Variants in PAAF1 observed in about 807,000 individuals in gnomAD.
PAAF1 encodes the protein proteasomal ATPase-associated factor 1.
PAAF1 carries 46 observed loss-of-function variants against 52.8 expected under a neutral mutation model. That is an observed-to-expected ratio of 0.87 (90% CI 0.69 to 1.11). PAAF1 has a LOEUF of 1.11. PAAF1 is among the 50% of genes most tolerant of loss of function. The pLI is 0.00. For synonymous variants in PAAF1, 178 were observed against 172.8 expected (o/e 1.03, Z -0.24); for missense variants, 424 against 477.4 (o/e 0.89, Z 1.04).
rs80330409 is a variant in PAAF1 at position 73,889,887 on chromosome 11, A to C, written c.193-1225A>C. Reference sequence around the variant, plus strand: ...CCAGGCATGGATATGCTGGCTAAGAAAGTGCTGTTTGTGTAGATAGTCTAA... The same window carrying C: ...CCAGGCATGGATATGCTGGCTAAGACAGTGCTGTTTGTGTAGATAGTCTAA... On this transcript the variant is annotated intron_variant, in intron 3 of 11. Transcript: ENST00000310571. 7.5e-3 allele frequency among the ~76,000 whole-genome samples: 1,135 copies of C among 152,322 alleles called. 15 individuals are homozygous for C. Among genetic ancestry groups the C allele is most frequent in the African/African-American group, 0.024 (991 of 41,568 alleles).
chr11:73,904,220 T>C (rs986489133), intron 6 of PAAF1, among the ~76,000 whole-genome samples: 1 of 152,096 alleles, frequency 6.6e-6, no homozygotes, highest in Non-Finnish European at 1.5e-5. Flanking sequence ...CTGTGTATGC[T>C]GAATTTTTCA....
intron 6 of PAAF1, among the ~76,000 whole-genome samples, chr11:73,906,143 G>A (rs975987189): frequency 6.6e-6 from 1 of 151,432 alleles, no homozygotes; most frequent in African/African-American, 2.4e-5. Flanking sequence ...TTTTTGAAAG[G>A]AAGACTGAAA....
intron 4 of PAAF1, among the ~76,000 whole-genome samples, chr11:73,894,568 A>G (rs1949292346): frequency 6.6e-6 from 1 of 152,194 alleles, no homozygotes; most frequent in Admixed American, 6.5e-5. Context: ...CCAGCATGGC[A>G]CATGTATACA....
At position 73,884,929 on chromosome 11, in the gene PAAF1, G is replaced by A. The variant is rs1175676738; in HGVS notation, c.89-2425G>A. ...GGCTGGAGTGCAGTGGCGGGATCTCGGCTCACTGCAAGTTCCGCCTCCCGG... is the reference window on the plus strand; with the variant it reads ...GGCTGGAGTGCAGTGGCGGGATCTCAGCTCACTGCAAGTTCCGCCTCCCGG... On this transcript the variant is annotated intron_variant, in intron 2 of 11. Transcript: ENST00000310571. 3.4e-5 allele frequency among the ~76,000 whole-genome samples: 5 copies of A among 149,030 alleles called. No individual in the cohort carries two copies. In the East Asian group the frequency reaches 5.9e-4, roughly 17 times the overall value.
chr11:73,879,215 TCTCA>T (rs1374245344), intron 2 of PAAF1: 1 of 153,334 alleles, frequency 6.5e-6, no homozygotes, highest in African/African-American at 2.4e-5. Context: ...TGCTTAAAGG[TCTCA>T]CTGTCACCTT....
rs748987999 is a variant in PAAF1 at position 73,928,263 on chromosome 11, T to A, written c.*901T>A. ...GAAGAGATGGTGGAGGGCACTTTAG[T>A]CACAGCTGGAACCCAGGGCTCAAAA... On this transcript the variant is annotated 3_prime_UTR_variant, in exon 12 of 12. Coordinates refer to ENST00000310571, the MANE Select transcript of PAAF1 (RefSeq NM_025155.3). 1.3e-5 allele frequency: 2 copies of A among 152,238 alleles called. No individual in the cohort carries two copies. The highest frequency in any genetic ancestry group is 6.5e-5 in the Admixed American group (1 of 15,278). 9.4% of individuals were successfully genotyped at this position (152,238 alleles called of 1,614,324 possible).
chr11:73,908,717 C>G (rs1949845184), intron 6 of PAAF1, among the ~76,000 whole-genome samples: 1 of 151,346 alleles, frequency 6.6e-6, no homozygotes, highest in Non-Finnish European at 1.5e-5. Flanking sequence ...GATTTTCAAA[C>G]TGAATTAGCT....
chr11:73,878,724 T>C, intron 1 of PAAF1, 55 bp from the exon 2 acceptor site: 4 of 1,533,680 alleles, frequency 2.6e-6, no homozygotes, highest in East Asian at 2.2e-5. Context: ...CTTGTAACTA[T>C]GGGATCCTAT....
chr11:73,886,338 A>G (rs1192335993), intron 2 of PAAF1, among the ~76,000 whole-genome samples: 3 of 152,224 alleles, frequency 2.0e-5, no homozygotes, highest in Non-Finnish European at 1.5e-5. Flanking sequence ...CAAATGCTGT[A>G]TCAAATCTCT....
intron 8 of PAAF1, among the ~76,000 whole-genome samples, chr11:73,915,433 T>C (rs1173894489): frequency 6.6e-6 from 1 of 152,126 alleles, no homozygotes; most frequent in Non-Finnish European, 1.5e-5. Context: ...AAAACCCATC[T>C]CTATTAAAAA....
intron 4 of PAAF1, among the ~76,000 whole-genome samples, chr11:73,895,922 C>A (rs1949334848): frequency 6.6e-6 from 1 of 152,166 alleles, no homozygotes. Flanking sequence ...CCCTGGGCAA[C>A]ATAGGGGGAC....
chr11:73,930,104 C>T lies in PAAF1; in HGVS notation c.*2742C>T, dbSNP rs1950436489. Reference sequence around the variant, plus strand: ...GGATGAAATGGGCCGGGCGCAGTGGCTCACGCCTGTAATCCCAGCACTTTG... The same window carrying T: ...GGATGAAATGGGCCGGGCGCAGTGGTTCACGCCTGTAATCCCAGCACTTTG... On this transcript the variant is annotated 3_prime_UTR_variant, in exon 12 of 12. Coordinates refer to ENST00000310571, the MANE Select transcript of PAAF1 (RefSeq NM_025155.3). 2 of 151,956 alleles carry T rather than the reference C, an allele frequency of 1.3e-5. No individual in the cohort carries two copies. Among genetic ancestry groups the T allele is most frequent in the South Asian group, 4.2e-4 (2 of 4,804 alleles). The allele number at this position is 151,956 out of a possible 1,614,324, so 9.4% of individuals were successfully genotyped here. A position where few individuals can be genotyped will look rare whatever the true frequency, so the allele number is the denominator to read the frequency against.
intron 7 of PAAF1, among the ~76,000 whole-genome samples, chr11:73,910,080 A>G (rs1565145534): frequency 6.6e-6 from 1 of 152,138 alleles, no homozygotes; most frequent in Admixed American, 6.6e-5. Flanking sequence ...ATAATTAGTG[A>G]TTCTTTTTAT....
At chr11:73,877,248 C>T in intron 1 of PAAF1, 180 bp downstream of exon 1, 1 of 562,684 alleles carries the variant, frequency 1.8e-6, no homozygotes, top group Non-Finnish European at 2.8e-6. Context: ...CTCTGAAAAG[C>T]TATCCCTAGG....
chr11:73,880,702 A>AGG (rs1948877042), intron 2 of PAAF1: 1 of 134,556 alleles, frequency 7.4e-6, no homozygotes, highest in African/African-American at 2.8e-5. Context: ...AAAAAAAAAA[A>AGG]AAAAAAAAAA....
intron 6 of PAAF1, among the ~76,000 whole-genome samples, chr11:73,901,605 A>ATT (rs550229985): frequency 1.4e-5 from 2 of 142,104 alleles, no homozygotes; most frequent in Admixed American, 7.1e-5. Context: ...AAGTTTTAAG[A>ATT]TTTTTTTTTT....
rs1232696324 is a variant in PAAF1, at chr11:73,927,993, T to C, written c.*631T>C. The C allele has an allele frequency of 2.0e-5, 3 of 153,456 alleles. No individual in the cohort carries two copies. Among genetic ancestry groups the C allele is most frequent in the Non-Finnish European group, 4.4e-5 (3 of 68,900 alleles). 9.5% of individuals were successfully genotyped at this position (153,456 alleles called of 1,614,324 possible). ...CTGGGGCAGTCTCAAACCAACATGA[T>C]TGGTCAGCCTATATGTAGGTGAGGA... On this transcript the variant is annotated 3_prime_UTR_variant, in exon 12 of 12. Coordinates refer to ENST00000310571, the MANE Select transcript of PAAF1 (RefSeq NM_025155.3).
intron 6 of PAAF1, among the ~76,000 whole-genome samples, chr11:73,906,107 C>T (rs1949745383): frequency 6.6e-6 from 1 of 152,166 alleles, no homozygotes; most frequent in Non-Finnish European, 1.5e-5. Context: ...AAGATGGCAG[C>T]AAACCATATG....
intron 6 of PAAF1, among the ~76,000 whole-genome samples, chr11:73,908,409 A>G (rs187560573): frequency 0.018 from 2,281 of 125,286 alleles, 59 homozygotes; most frequent in African/African-American, 0.068. Context: ...GTGTATATAT[A>G]TGTGTGTATA....
Sources: gnomAD v4.1 joint callset for allele counts (sites outside exome capture counted in the v4.1 genomes callset) on GRCh38, gnomAD v4.1.1 for gene constraint, MANE v1.5 for transcripts, NCBI Gene and HGNC (gene_info 2026-07-23, HGNC 2026-07-21) for gene names.